The following TENM2 variants were observed in gnomAD, a reference collection of about 807,000 sequenced individuals.
The protein encoded by TENM2 is teneurin transmembrane protein 2.
TENM2 carries 52 observed loss-of-function variants against 245.2 expected under a neutral mutation model. That is an observed-to-expected ratio of 0.21 (90% CI 0.17 to 0.27). The LOEUF (loss-of-function observed/expected upper bound fraction) is 0.27, where lower values mean the gene tolerates loss of function less well. Among genes scored for constraint, TENM2 ranks in the 10% least tolerant of loss-of-function variants. The pLI, the probability that TENM2 is intolerant of heterozygous loss-of-function variation, is 1.00. For missense variants in TENM2, 3,046 were observed against 3,666.8 expected (o/e 0.83, Z 4.37); for synonymous variants, 1,363 against 1,438.9 (o/e 0.95, Z 1.19).
At chr5:167,887,026 A>T (rs1351320095) in intron 3 of TENM2, among the ~76,000 whole-genome samples, 1 of 152,196 alleles carries the variant, frequency 6.6e-6, no homozygotes, top group African/African-American at 2.4e-5. Context: ...TGGCATGAGA[A>T]CAGAGAAGAT....
At chr5:167,640,455 C>A (rs1043954127) in intron 2 of TENM2, among the ~76,000 whole-genome samples, 1 of 151,836 alleles carries the variant, frequency 6.6e-6, no homozygotes, top group African/African-American at 2.4e-5. Context: ...CTGCCTCTAA[C>A]TAAAAATACA....
intron 3 of TENM2, among the ~76,000 whole-genome samples, chr5:167,935,576 C>T (rs1034313227): frequency 5.3e-5 from 8 of 152,090 alleles, no homozygotes; most frequent in African/African-American, 9.7e-5. Context: ...GAGTAATGAA[C>T]GAGAGTGGCG....
chr5:168,090,484 C>A, intron 7 of TENM2, 90 bp from the exon 10 acceptor site: 1 of 1,183,630 alleles, frequency 8.4e-7, no homozygotes, highest in South Asian at 1.7e-5. Flanking sequence ...GGTCTTTCTC[C>A]ATTAACAAAT....
At chr5:167,163,329 G>T in the TENM2 span, among the ~76,000 whole-genome samples, 1 of 152,116 alleles carries the variant, frequency 6.6e-6, no homozygotes, top group East Asian at 1.9e-4. Flanking sequence ...TGACTCAAGG[G>T]ATCCTCCCGC....
chr5:167,561,498 G>A (rs922750137), intron 2 of TENM2, among the ~76,000 whole-genome samples: 3 of 152,208 alleles, frequency 2.0e-5, no homozygotes, highest in African/African-American at 7.2e-5. Flanking sequence ...TGTAACTGTG[G>A]TCCGTGGTTC....
chr5:167,532,812 A>G (rs6880161), intron 2 of TENM2, among the ~76,000 whole-genome samples: 14,020 of 113,980 alleles, frequency 0.12, 688 homozygotes, highest in East Asian at 0.26. Context: ...ATTTGTGTGT[A>G]TGTGTGTGTG....
At chr5:167,102,983 G>A in the TENM2 span, among the ~76,000 whole-genome samples, 18 of 152,242 alleles carry the variant, frequency 1.2e-4, no homozygotes, top group Admixed American at 2.6e-4. Flanking sequence ...TCCTTGTAAC[G>A]ATATTGCTTA....
At chr5:167,254,161 G>A in the TENM2 span, among the ~76,000 whole-genome samples, 1 of 152,020 alleles carries the variant, frequency 6.6e-6, no homozygotes, top group African/African-American at 2.4e-5. Context: ...TGGGGACCAC[G>A]GCCTTCCGAG....
chr5:167,311,101 A>C (rs1756005422), intron 1 of TENM2, among the ~76,000 whole-genome samples: 1 of 152,216 alleles, frequency 6.6e-6, no homozygotes. Flanking sequence ...TCCAGGGCTT[A>C]GGGGACACTG....
chr5:167,052,644 A>T, the TENM2 span, among the ~76,000 whole-genome samples: 1 of 152,188 alleles, frequency 6.6e-6, no homozygotes, highest in East Asian at 1.9e-4. Context: ...GATTTAATAT[A>T]CTAGGTTACT....
At chr5:167,733,354 G>A (rs1760572511) in intron 2 of TENM2, among the ~76,000 whole-genome samples, 1 of 151,196 alleles carries the variant, frequency 6.6e-6, no homozygotes. Context: ...TGTAACATCT[G>A]ATGATTTGAT....
upstream of TENM2, among the ~76,000 whole-genome samples, chr5:167,283,427 G>A (rs946280144): frequency 3.3e-5 from 5 of 152,056 alleles, no homozygotes; most frequent in African/African-American, 1.2e-4. Flanking sequence ...AGTATAGATT[G>A]GGGGAGGGGG....
intron 19 of TENM2, among the ~76,000 whole-genome samples, chr5:168,211,401 A>G (rs1255623640): frequency 1.3e-5 from 2 of 152,244 alleles, no homozygotes; most frequent in Non-Finnish European, 2.9e-5. Flanking sequence ...ACTGGCCAAC[A>G]CATGTTGGCA....
chr5:167,141,155 A>G, the TENM2 span, among the ~76,000 whole-genome samples: 1 of 152,190 alleles, frequency 6.6e-6, no homozygotes, highest in African/African-American at 2.4e-5. Context: ...GGGAAGGGGG[A>G]CCACACACTG....
chr5:167,195,676 C>T, the TENM2 span, among the ~76,000 whole-genome samples: 1 of 151,670 alleles, frequency 6.6e-6, no homozygotes, highest in East Asian at 1.9e-4. Context: ...TAAATAAGAG[C>T]TATTATTACT....
exon 14 of TENM2, chr5:168,190,440 G>T: frequency 2.5e-6 from 4 of 1,614,010 alleles, no homozygotes; most frequent in Non-Finnish European, 3.4e-6. Flanking sequence ...TCATTCAGCA[G>T]GGCCAGACGG....
At chr5:167,028,714 T>A in the TENM2 span, among the ~76,000 whole-genome samples, 8 of 152,248 alleles carry the variant, frequency 5.3e-5, no homozygotes, top group African/African-American at 1.9e-4. Flanking sequence ...TATACACATT[T>A]ATGTACTTTC....
chr5:167,375,440 T>G (rs1464464849), exon 2 of TENM2: 1 of 1,551,558 alleles, frequency 6.4e-7, no homozygotes, highest in Non-Finnish European at 8.7e-7. Flanking sequence ...CCTGACTGAC[T>G]CTGACAACGA....
intron 2 of TENM2, among the ~76,000 whole-genome samples, chr5:167,627,294 T>G (rs144970218): frequency 1.3e-5 from 2 of 152,270 alleles, no homozygotes; most frequent in South Asian, 4.1e-4. Context: ...TTAACTGGAT[T>G]TCATCTGGGC....
Sources: gnomAD v4.1 joint callset for allele counts (sites outside exome capture counted in the v4.1 genomes callset) on GRCh38, gnomAD v4.1.1 for gene constraint, MANE v1.5 for transcripts, NCBI Gene and HGNC (gene_info 2026-07-23, HGNC 2026-07-21) for gene names.